Variants in SLC39A11 observed in about 807,000 individuals in gnomAD.
SLC39A11 encodes the protein solute carrier family 39 member 11.
Under a neutral mutation model 36.1 loss-of-function variants are expected in SLC39A11, and 33 were observed. The ratio of observed to expected loss-of-function variants is 0.91; its 90% CI spans 0.69 to 1.22. The LOEUF is 1.22. SLC39A11 is among the 50% of genes most tolerant of loss of function. The pLI is 0.00. For missense variants in SLC39A11, 432 were observed against 430.3 expected (o/e 1.00, Z -0.03); for synonymous variants, 166 against 170.3 (o/e 0.97, Z 0.20).
intron 4 of SLC39A11, among the ~76,000 whole-genome samples, chr17:72,954,164 A>G (rs1435433607): frequency 6.6e-6 from 1 of 152,158 alleles, no homozygotes; most frequent in Non-Finnish European, 1.5e-5. Context: ...CTCCTGTCTC[A>G]GCTTCCCAGT....
At chr17:72,675,016 CAGAA>C (rs1385357858) in intron 7 of SLC39A11, among the ~76,000 whole-genome samples, 8 of 151,624 alleles carry the variant, frequency 5.3e-5, no homozygotes, top group Non-Finnish European at 1.0e-4. Context: ...GACACAGAGA[CAGAA>C]AGAGAGAGAG....
chr17:72,899,541 C>T (rs79243200), intron 5 of SLC39A11, among the ~76,000 whole-genome samples: 5,868 of 152,230 alleles, frequency 0.039, 398 homozygotes, highest in African/African-American at 0.13. Context: ...CAATTCCTCT[C>T]CGGCCACATT....
intron 3 of SLC39A11, among the ~76,000 whole-genome samples, chr17:73,044,788 A>T (rs1218034037): frequency 6.6e-6 from 1 of 151,878 alleles, no homozygotes; most frequent in East Asian, 1.9e-4. Flanking sequence ...GAGGCAGGAG[A>T]ATCACTTGAA....
intron 5 of SLC39A11, among the ~76,000 whole-genome samples, chr17:72,876,382 G>C (rs989891602): frequency 2.0e-5 from 3 of 152,200 alleles, no homozygotes; most frequent in African/African-American, 7.2e-5. Flanking sequence ...CCAAAAGTTT[G>C]TCTCTGCTTG....
chr17:72,922,841 A>C (rs71380147), intron 5 of SLC39A11, among the ~76,000 whole-genome samples: 17 of 151,150 alleles, frequency 1.1e-4, no homozygotes, highest in African/African-American at 3.9e-4. Context: ...GGTGGTGCAC[A>C]CCTGTAGTCC....
chr17:72,734,962 A>G (rs1364384198), intron 7 of SLC39A11, among the ~76,000 whole-genome samples: 2 of 152,142 alleles, frequency 1.3e-5, no homozygotes, highest in African/African-American at 4.8e-5. Flanking sequence ...GAAGAGCTAC[A>G]TGCCCCCACC....
chr17:72,934,072 T>C (rs1238992453), intron 5 of SLC39A11, among the ~76,000 whole-genome samples: 1 of 151,860 alleles, frequency 6.6e-6, no homozygotes, highest in Non-Finnish European at 1.5e-5. Context: ...TGACACCATA[T>C]TTTTTTGAAA....
intron 4 of SLC39A11, among the ~76,000 whole-genome samples, chr17:73,023,142 G>C (rs995682989): frequency 1.3e-5 from 2 of 152,084 alleles, no homozygotes; most frequent in African/African-American, 2.4e-5. Flanking sequence ...TCCAGTGTCA[G>C]GGAAGCGACC....
chr17:72,714,228 C>T (rs1384740715), intron 7 of SLC39A11, among the ~76,000 whole-genome samples: 2 of 152,014 alleles, frequency 1.3e-5, no homozygotes, highest in Non-Finnish European at 2.9e-5. Context: ...TAGTGGTGCG[C>T]ACCTGTACTC....
intron 5 of SLC39A11, chr17:72,947,395 C>A: frequency 3.8e-6 from 1 of 262,640 alleles, no homozygotes; most frequent in African/African-American, 2.2e-5. Context: ...AAGGAGTATT[C>A]AGGGTTCATC....
intron 6 of SLC39A11, among the ~76,000 whole-genome samples, chr17:72,754,039 T>TACACACAC (rs1468497971): frequency 9.1e-6 from 1 of 109,736 alleles, no homozygotes; most frequent in African/African-American, 3.8e-5. Context: ...TATATATATA[T>TACACACAC]ATATATACAC....
chr17:73,086,049 G>C (rs1396070639), intron 2 of SLC39A11, among the ~76,000 whole-genome samples: 1 of 152,146 alleles, frequency 6.6e-6, no homozygotes, highest in Non-Finnish European at 1.5e-5. Flanking sequence ...TCTAAATAAA[G>C]CACAGAAACA....
At chr17:72,922,932 G>A (rs1197196536) in intron 5 of SLC39A11, among the ~76,000 whole-genome samples, 1 of 123,368 alleles carries the variant, frequency 8.1e-6, no homozygotes, top group Non-Finnish European at 1.6e-5. Context: ...TGCGCCACCA[G>A]CCTGGGTGAT....
intron 6 of SLC39A11, among the ~76,000 whole-genome samples, chr17:72,844,848 C>T (rs2078980707): frequency 6.6e-6 from 1 of 152,162 alleles, no homozygotes; most frequent in South Asian, 2.1e-4. Context: ...CTGATAGTCC[C>T]CCTAAAGCCC....
At position 72,972,338 on chromosome 17, in the gene SLC39A11, C is replaced by T. The variant is rs530001091; in HGVS notation, c.307-24463G>A. On this transcript the variant is annotated intron_variant, in intron 4 of 9. Coordinates refer to ENST00000255559, the MANE Select transcript of SLC39A11 (RefSeq NM_139177.4). ...AGCCAGGTAAGGGCATTGCAATACA[C>T]ATCACCGCCCCACCCTTCCATTTCA... 5.9e-5 allele frequency among the ~76,000 whole-genome samples: 9 copies of T among 152,308 alleles called. No individual in the cohort carries two copies. The South Asian group carries it at 1.9e-3, about 32-fold the overall frequency.
chr17:73,050,853 G>A (rs2059473242), intron 3 of SLC39A11, among the ~76,000 whole-genome samples: 1 of 152,176 alleles, frequency 6.6e-6, no homozygotes, highest in Non-Finnish European at 1.5e-5. Context: ...CCAGCAGAAA[G>A]GCCCCTTGAG....
intron 6 of SLC39A11, among the ~76,000 whole-genome samples, chr17:72,837,331 A>T (rs11870385): frequency 0.4 from 59,084 of 147,756 alleles, 13,548 homozygotes; most frequent in Non-Finnish European, 0.51. Context: ...TAGATTTTTT[A>T]AAAATGTACT....
chr17:72,979,491 A>G (rs1182359156), intron 4 of SLC39A11, among the ~76,000 whole-genome samples: 2 of 152,204 alleles, frequency 1.3e-5, no homozygotes, highest in Non-Finnish European at 2.9e-5. Context: ...CAGAGCAGGC[A>G]ATGGGATGAG....
At chr17:72,904,144 G>A (rs899242114) in intron 5 of SLC39A11, among the ~76,000 whole-genome samples, 1 of 152,184 alleles carries the variant, frequency 6.6e-6, no homozygotes, top group African/African-American at 2.4e-5. Flanking sequence ...CAAAAGCGGT[G>A]AGCCCAAGCC....
Sources: gnomAD v4.1 joint callset for allele counts (sites outside exome capture counted in the v4.1 genomes callset) on GRCh38, gnomAD v4.1.1 for gene constraint, MANE v1.5 for transcripts, NCBI Gene and HGNC (gene_info 2026-07-23, HGNC 2026-07-21) for gene names.